HIVEP3: variants seen among roughly 807,000 people sequenced by gnomAD.
The protein encoded by HIVEP3 is HIVEP zinc finger 3.
Under a neutral mutation model 152.8 loss-of-function variants are expected in HIVEP3, and 49 were observed. The ratio of observed to expected loss-of-function variants is 0.32; its 90% CI spans 0.26 to 0.41. HIVEP3 has a LOEUF of 0.41. HIVEP3 is among the 10% of genes least tolerant of loss of function. HIVEP3 has a pLI of 1.00. For synonymous variants in HIVEP3, 1,269 were observed against 1,289.0 expected, an observed-to-expected ratio of 0.98 and a Z score of 0.33; for missense variants, 2,790 against 3,103.3, an observed-to-expected ratio of 0.90 and a Z score of 2.40.
chr1:41,729,433 C>A (rs1374677114), intron 1 of HIVEP3, among the ~76,000 whole-genome samples: 1 of 152,232 alleles, frequency 6.6e-6, no homozygotes, highest in Non-Finnish European at 1.5e-5. Context: ...ATCGTCACTG[C>A]CTCACTCCCT....
chr1:41,574,523 G>A (rs1644298472), intron 5 of HIVEP3, among the ~76,000 whole-genome samples: 1 of 152,090 alleles, frequency 6.6e-6, no homozygotes, highest in Admixed American at 6.5e-5. Context: ...GATGCCAACT[G>A]GTGGCCCTGG....
intron 1 of HIVEP3, among the ~76,000 whole-genome samples, chr1:41,797,811 A>G (rs191806033): frequency 6.6e-6 from 1 of 152,236 alleles, no homozygotes; most frequent in East Asian, 1.9e-4. Context: ...ACATGGTGAA[A>G]CCCCGTCTCT....
chr1:41,957,230 C>A (rs200994233), intron 1 of HIVEP3, among the ~76,000 whole-genome samples: 1 of 44,848 alleles, frequency 2.2e-5, no homozygotes, highest in Non-Finnish European at 6.9e-5. Context: ...AAAAGTTTTG[C>A]CAGAATAATC....
At chr1:41,965,331 A>T (rs1002082561) in intron 1 of HIVEP3, among the ~76,000 whole-genome samples, 1 of 152,266 alleles carries the variant, frequency 6.6e-6, no homozygotes, top group Admixed American at 6.5e-5. Flanking sequence ...AAACTCAAAA[A>T]GCCAGAGTGC....
At chr1:41,649,166 C>T (rs1645506706) in intron 2 of HIVEP3, among the ~76,000 whole-genome samples, 1 of 152,220 alleles carries the variant, frequency 6.6e-6, no homozygotes, top group East Asian at 1.9e-4. Flanking sequence ...ATGCTCATCA[C>T]TTTGTGGCCG....
chr1:41,600,587 T>G (rs1450009248), intron 3 of HIVEP3, among the ~76,000 whole-genome samples: 1 of 152,190 alleles, frequency 6.6e-6, no homozygotes, highest in Admixed American at 6.5e-5. Flanking sequence ...GGGTATACAG[T>G]TTCAGCTTTT....
At chr1:41,861,841 G>T (rs944240813) in intron 1 of HIVEP3, among the ~76,000 whole-genome samples, 1 of 152,178 alleles carries the variant, frequency 6.6e-6, no homozygotes, top group African/African-American at 2.4e-5. Context: ...GCTTTTTGTG[G>T]GGATGCAGAC....
chr1:41,976,775 T>C (rs903344553), intron 1 of HIVEP3, among the ~76,000 whole-genome samples: 2 of 152,110 alleles, frequency 1.3e-5, no homozygotes, highest in African/African-American at 2.4e-5. Context: ...AATGTGAACA[T>C]AGACACGCAC....
At chr1:41,645,727 A>G (rs991687359) in intron 2 of HIVEP3, among the ~76,000 whole-genome samples, 2 of 152,238 alleles carry the variant, frequency 1.3e-5, no homozygotes, top group East Asian at 3.8e-4. Context: ...ATAGGTGCTC[A>G]GTAAATACAT....
chr1:41,829,074 A>G (rs1055922902), intron 1 of HIVEP3, among the ~76,000 whole-genome samples: 20 of 151,788 alleles, frequency 1.3e-4, no homozygotes, highest in African/African-American at 4.8e-4. Flanking sequence ...CCCCACCCCT[A>G]TGACCCACTG....
In HIVEP3 at chr1:41,511,294, G is replaced by A; in HGVS notation, c.6406-28C>T. 1 of 1,549,778 alleles carries A rather than the reference G, an allele frequency of 6.5e-7. No individual in the cohort carries two copies. The highest frequency in any genetic ancestry group is 8.7e-7 in the Non-Finnish European group (1 of 1,145,090). On this transcript the variant is annotated intron_variant, in intron 8 of 8. Coordinates refer to ENST00000372583, the MANE Select transcript of HIVEP3 (RefSeq NM_024503.5). The surrounding 1 kb of genome is among the most constrained non-coding windows in gnomAD (Gnocchi z 4.9). ...GGGGTCAGAAAACAAGACAAGGTAA[G>A]GTGAAGGTTACATGCTGGGCACATG...
intron 1 of HIVEP3, among the ~76,000 whole-genome samples, chr1:41,880,197 C>A (rs1175814185): frequency 6.6e-6 from 1 of 152,066 alleles, no homozygotes; most frequent in Non-Finnish European, 1.5e-5. Flanking sequence ...GTAGCTGGGA[C>A]CATAGGCATG....
intron 1 of HIVEP3, among the ~76,000 whole-genome samples, chr1:41,808,590 C>T (rs1023735433): frequency 1.7e-4 from 26 of 152,248 alleles, no homozygotes; most frequent in African/African-American, 6.0e-4. Flanking sequence ...AATTAAATGT[C>T]CTGACCTGCA....
rs1229423491 is a variant in HIVEP3, at chr1:41,527,600, G to A, written c.5208-2690C>T. Among the ~76,000 whole-genome samples the A allele has an allele frequency of 1.2e-4, 12 of 98,728 alleles. No homozygotes were observed. In the East Asian group the frequency reaches 2.3e-3, roughly 19 times the overall value. 64.8% of individuals were successfully genotyped at this position (98,728 alleles called of 152,430 possible). ...CACACTCAAGCACTCACACTCATTC[G>A]CATACTCTACTCCCCACCCTCACAC... On this transcript the variant is annotated intron_variant, in intron 5 of 8. Transcript: ENST00000372583.
chr1:41,559,480 A>G (rs1644022936), intron 5 of HIVEP3, among the ~76,000 whole-genome samples: 1 of 152,086 alleles, frequency 6.6e-6, no homozygotes, highest in African/African-American at 2.4e-5. Flanking sequence ...ATCTGTCTCC[A>G]CGGAGGGATG....
intron 1 of HIVEP3, among the ~76,000 whole-genome samples, chr1:41,820,100 TTACTTGTGTTGA>T (rs1642546121): frequency 6.6e-6 from 1 of 152,166 alleles, no homozygotes; most frequent in South Asian, 2.1e-4. Context: ...ATCAAGCTTT[TTACTTGTGTTGA>T]TAAAATATTC....
intron 3 of HIVEP3, among the ~76,000 whole-genome samples, chr1:41,585,621 C>G (rs1644493243): frequency 6.6e-6 from 1 of 152,146 alleles, no homozygotes; most frequent in Non-Finnish European, 1.5e-5. Context: ...CTGGGAACTG[C>G]AGGGTGGTTA....
rs536290542 is a variant in HIVEP3 at position 41,798,194 on chromosome 1, C to T, written c.-800-97199G>A. ...TAGGAGATATACCTAATGTAAATGA[C>T]GAGTTAATGGGTGCAGCACACCAAC... On this transcript the variant is annotated intron_variant, in intron 1 of 8. Transcript: ENST00000372583. Among the ~76,000 whole-genome samples, 54 of 151,200 alleles carry T rather than the reference C, an allele frequency of 3.6e-4. No homozygotes were observed. The East Asian group carries it at 9.7e-3, about 27-fold the overall frequency.
chr1:41,728,414 C>T (rs1646789556), intron 1 of HIVEP3, among the ~76,000 whole-genome samples: 2 of 151,928 alleles, frequency 1.3e-5, no homozygotes, highest in Admixed American at 1.3e-4. Context: ...GGCACCCAGG[C>T]CTGGGGCACT....
Sources: allele counts gnomAD v4.1 joint callset (sites outside exome capture counted in the v4.1 genomes callset), GRCh38; gene constraint gnomAD v4.1.1; non-coding constraint Gnocchi (gnomAD v3.1); transcripts MANE v1.5; gene names NCBI Gene and HGNC (gene_info 2026-07-23, HGNC 2026-07-21).